Variants in MYO5B observed in about 807,000 individuals in gnomAD.
MYO5B encodes the protein unconventional myosin-Vb.
In MYO5B, 143 loss-of-function variants were observed where a neutral mutation model predicts 229.3. The observed-to-expected ratio is 0.62, with a 90% CI of 0.54 to 0.72. MYO5B has a LOEUF of 0.72. MYO5B is among the 30% of genes least tolerant of loss of function. The pLI is 0.00. For synonymous variants in MYO5B, 918 were observed against 885.2 expected, an observed-to-expected ratio of 1.04 and a Z score of -0.66; for missense variants, 2,321 against 2,331.0, an observed-to-expected ratio of 1.00 and a Z score of 0.09.
intron 1 of MYO5B, among the ~76,000 whole-genome samples, chr18:50,103,431 C>G (rs2031693171): frequency 6.6e-6 from 1 of 152,138 alleles, no homozygotes; most frequent in Admixed American, 6.5e-5. Context: ...AAGTCTCAAT[C>G]CATTTTTTTC....
At chr18:49,842,927 C>T (rs2024077457) in intron 34 of MYO5B, among the ~76,000 whole-genome samples, 1 of 152,210 alleles carries the variant, frequency 6.6e-6, no homozygotes, top group Non-Finnish European at 1.5e-5. Context: ...AGCAGGATGT[C>T]TCCCTAGCAC....
At chr18:50,066,772 C>T (rs573820790) in intron 1 of MYO5B, among the ~76,000 whole-genome samples, 22 of 152,306 alleles carry the variant, frequency 1.4e-4, no homozygotes, top group Non-Finnish European at 2.9e-4. Flanking sequence ...GATTTCCATC[C>T]TGCTTCTGAG....
At chr18:50,154,501 T>A (rs2032650119) in intron 1 of MYO5B, among the ~76,000 whole-genome samples, 1 of 152,226 alleles carries the variant, frequency 6.6e-6, no homozygotes, top group African/African-American at 2.4e-5. Flanking sequence ...TGAGTAGTAA[T>A]GTCAAGATGG....
At chr18:49,862,918 A>C in intron 29 of MYO5B, among the ~76,000 whole-genome samples, 1 of 112,974 alleles carries the variant, frequency 8.9e-6, no homozygotes, top group African/African-American at 3.4e-5. Flanking sequence ...CCCAGCCAGC[A>C]TCCTCTCAAG....
chr18:50,154,633 A>G (rs2032652003), intron 1 of MYO5B, among the ~76,000 whole-genome samples: 1 of 152,228 alleles, frequency 6.6e-6, no homozygotes, highest in East Asian at 1.9e-4. Flanking sequence ...ATTTAGTGCA[A>G]TATGCTTGAC....
At chr18:49,990,171 C>T (rs776040650) in intron 7 of MYO5B, among the ~76,000 whole-genome samples, 14 of 152,198 alleles carry the variant, frequency 9.2e-5, no homozygotes, top group Non-Finnish European at 1.8e-4. Context: ...AATAATAAAG[C>T]ATGAAAAGAC....
chr18:50,064,226 G>A (rs1418739113), intron 1 of MYO5B: 2 of 153,214 alleles, frequency 1.3e-5, no homozygotes, highest in African/African-American at 4.8e-5. Context: ...TGGAGACTGT[G>A]AATGACCTAA....
chr18:50,136,814 G>A (rs747370430), intron 1 of MYO5B, among the ~76,000 whole-genome samples: 7 of 152,126 alleles, frequency 4.6e-5, no homozygotes, highest in Non-Finnish European at 7.4e-5. Flanking sequence ...GAAAGAAAAC[G>A]ATGGTGTCAG....
intron 1 of MYO5B, among the ~76,000 whole-genome samples, chr18:50,148,668 T>C (rs1160744958): frequency 2.0e-5 from 3 of 152,048 alleles, no homozygotes; most frequent in Non-Finnish European, 2.9e-5. Context: ...AAATTAGGTA[T>C]TGATGGGACG....
chr18:50,136,924 T>C (rs1033566574), intron 1 of MYO5B, among the ~76,000 whole-genome samples: 5 of 152,204 alleles, frequency 3.3e-5, no homozygotes, highest in Non-Finnish European at 7.3e-5. Flanking sequence ...CCAGAATATC[T>C]ATAGGCCCTG....
chr18:49,980,445 G>A lies in MYO5B; in HGVS notation c.1055C>T (p.Ser352Leu). 6.2e-7 allele frequency: 1 copy of A among 1,601,658 alleles called. No homozygotes were observed. The highest frequency in any genetic ancestry group is 8.6e-7 in the Non-Finnish European group (1 of 1,168,758). ...AERDGDSCSISPQDVYLSNFC... is the reference protein window; with the variant it reads ...AERDGDSCSILPQDVYLSNFC... ...CTCCGGTGTTGGTGTGCAACTTACT[G>A]ATATACTACAGGAATCACCATCACG... Residue 352 changes from serine to leucine, a missense_variant and splice_region_variant, in exon 9 of 40, where the codon TCA (serine) becomes TTA (leucine). Physicochemically the swap from Ser to Leu is moderately radical, Grantham distance 145. Coordinates refer to ENST00000285039, the MANE Select transcript of MYO5B (RefSeq NM_001080467.3).
intron 1 of MYO5B, among the ~76,000 whole-genome samples, chr18:50,190,279 G>C (rs1247670285): frequency 6.6e-6 from 1 of 152,166 alleles, no homozygotes; most frequent in Non-Finnish European, 1.5e-5. Context: ...ATGATGAAAT[G>C]GTATTCACCA....
intron 38 of MYO5B, among the ~76,000 whole-genome samples, chr18:49,835,706 T>C (rs2023979499): frequency 6.6e-6 from 1 of 152,234 alleles, no homozygotes; most frequent in African/African-American, 2.4e-5. Flanking sequence ...ATGAGGAGTT[T>C]AGAATGCAGT....
intron 1 of MYO5B, among the ~76,000 whole-genome samples, chr18:50,190,270 T>A (rs1358083682): frequency 6.6e-6 from 1 of 152,230 alleles, no homozygotes; most frequent in African/African-American, 2.4e-5. Context: ...GCAATCATCA[T>A]GATGAAATGG....
intron 1 of MYO5B, among the ~76,000 whole-genome samples, chr18:50,157,090 G>GT (rs71169484): frequency 0.031 from 4,377 of 142,536 alleles, 207 homozygotes; most frequent in African/African-American, 0.1. Flanking sequence ...TTTTTGTTTT[G>GT]TTTTTTTTTT....
chr18:50,105,945 T>G (rs75259958), intron 1 of MYO5B, among the ~76,000 whole-genome samples: 1,818 of 152,194 alleles, frequency 0.012, 30 homozygotes, highest in African/African-American at 0.042. Context: ...AAGCCTCCTT[T>G]GTAGGCTGTC....
intron 4 of MYO5B, among the ~76,000 whole-genome samples, chr18:50,030,425 C>T (rs1489316930): frequency 6.6e-6 from 1 of 152,170 alleles, no homozygotes; most frequent in African/African-American, 2.4e-5. Context: ...AACCTCTTCC[C>T]TCCTGTTTAC....
intron 27 of MYO5B, 148 bp from the exon 28 acceptor site, chr18:49,864,528 C>CA (rs2024374320): frequency 6.1e-6 from 7 of 1,155,222 alleles, no homozygotes; most frequent in Admixed American, 2.1e-5. Context: ...CTGCCATCAG[C>CA]AAGCAGTCAA....
rs114023044 is a variant in MYO5B, at chr18:50,111,494, C to T, written c.28-56116G>A. Among the ~76,000 whole-genome samples the T allele has an allele frequency of 1.9e-3, 288 of 152,298 alleles. 2 individuals carry two copies. Among genetic ancestry groups the T allele is most frequent in the African/African-American group, 6.8e-3 (282 of 41,564 alleles). On this transcript the variant is annotated intron_variant, in intron 1 of 39. Transcript: ENST00000285039. ...TTTGAAAGTTCTGGGGCAAATTCTC[C>T]AGATTGTATCTCTCATTCAAATACA...
Sources: gnomAD v4.1 joint callset for allele counts (sites outside exome capture counted in the v4.1 genomes callset) on GRCh38, gnomAD v4.1.1 for gene constraint, MANE v1.5 for transcripts, NCBI Gene and HGNC (gene_info 2026-07-23, HGNC 2026-07-21) for gene names.